Variants in UMAD1 observed in about 807,000 individuals in gnomAD.
The protein encoded by UMAD1 is UBAP1-MVB12-associated (UMA) domain containing 1, also known as UBAP1-MVB12-associated (UMA)-domain containing protein 1.
UMAD1 carries 8 observed loss-of-function variants against 6.1 expected under a neutral mutation model. The ratio of observed to expected loss-of-function variants is 1.30; its 90% CI spans 0.76 to 2.35. UMAD1 has a LOEUF of 2.35. UMAD1 is among the 30% of genes most tolerant of loss of function. UMAD1 has a pLI of 0.00. For missense variants in UMAD1, 130 were observed against 78.4 expected (o/e 1.66, Z -2.49); for synonymous variants, 56 against 31.4 (o/e 1.78, Z -2.61).
intron 2 of UMAD1, among the ~76,000 whole-genome samples, chr7:7,744,431 A>T (rs925788103): frequency 3.9e-5 from 6 of 152,246 alleles, no homozygotes; most frequent in Non-Finnish European, 7.4e-5. Flanking sequence ...CATTGAGTGT[A>T]TACCTAGGAG....
chr7:7,717,184 G>A (rs146284153), intron 2 of UMAD1, among the ~76,000 whole-genome samples: 1,775 of 151,638 alleles, frequency 0.012, 32 homozygotes, highest in African/African-American at 0.041. Flanking sequence ...TGCCTCCCGC[G>A]TAGCTGGGAC....
intron 2 of UMAD1, among the ~76,000 whole-genome samples, chr7:7,745,923 G>C (rs1467809315): frequency 6.6e-6 from 1 of 151,916 alleles, no homozygotes; most frequent in Non-Finnish European, 1.5e-5. Context: ...GTCTGGGACC[G>C]AGACTTACCT....
Position 7,700,573 on chromosome 7 carries a change from C to CAACA in UMAD1, c.82+27139_82+27142dup, listed in dbSNP as rs529757342. ...GACCCCCATCTCTACAAAATAAAAACAACAAACAAACAAACAAACAAAAAC... is the reference window on the plus strand; with the variant it reads ...GACCCCCATCTCTACAAAATAAAAACAACAAACAAACAAACAAACAAACAAAAAC... On this transcript the variant is annotated intron_variant, in intron 2 of 3. Transcript: ENST00000682710. Among the ~76,000 whole-genome samples, 6 of 151,892 alleles carry CAACA rather than the reference C, an allele frequency of 4.0e-5. No homozygotes were observed. The East Asian group carries it at 5.8e-4, about 15-fold the overall frequency.
intron 2 of UMAD1, among the ~76,000 whole-genome samples, chr7:7,721,851 T>C (rs539550444): frequency 5.3e-5 from 8 of 152,032 alleles, no homozygotes; most frequent in Non-Finnish European, 1.2e-4. Context: ...TCAAAGGAGA[T>C]TAATATTTGA....
rs77508620 is a variant in UMAD1 at position 7,828,532 on chromosome 7, C to T, written c.156+26789C>T. 6.3e-3 allele frequency among the ~76,000 whole-genome samples: 959 copies of T among 152,266 alleles called. 16 individuals carry two copies. The highest frequency in any genetic ancestry group is 0.022 in the African/African-American group (910 of 41,556). On this transcript the variant is annotated intron_variant, in intron 3 of 3. Coordinates refer to ENST00000682710, the MANE Select transcript of UMAD1 (RefSeq NM_001302348.2). ...AGAGCCCCTGGTCCCGAGCTTCTTGCGGCTATATCAACCCATAGGGACCCC... is the reference window on the plus strand; with the variant it reads ...AGAGCCCCTGGTCCCGAGCTTCTTGTGGCTATATCAACCCATAGGGACCCC...
chr7:7,660,614 A>G (rs886763909), intron 1 of UMAD1, among the ~76,000 whole-genome samples: 1 of 152,212 alleles, frequency 6.6e-6, no homozygotes, highest in Non-Finnish European at 1.5e-5. Flanking sequence ...TTCTTTAAGA[A>G]TGTTGACTAT....
At chr7:7,729,458 G>A (rs1312827854) in intron 2 of UMAD1, among the ~76,000 whole-genome samples, 1 of 152,088 alleles carries the variant, frequency 6.6e-6, no homozygotes, top group Admixed American at 6.6e-5. Context: ...TGTCACACAC[G>A]TGGTACTTGG....
chr7:7,728,225 C>T (rs1007795951), intron 2 of UMAD1, among the ~76,000 whole-genome samples: 1 of 151,516 alleles, frequency 6.6e-6, no homozygotes, highest in African/African-American at 2.4e-5. Flanking sequence ...GTCAACTTGA[C>T]ATAAAGATCT....
intron 2 of UMAD1, among the ~76,000 whole-genome samples, chr7:7,763,425 C>A (rs1781929216): frequency 6.6e-6 from 1 of 152,130 alleles, no homozygotes; most frequent in South Asian, 2.1e-4. Context: ...CCTCCTCCAC[C>A]CCCAGTAGAC....
intron 3 of UMAD1, among the ~76,000 whole-genome samples, chr7:7,808,920 G>A (rs926993243): frequency 4.6e-5 from 7 of 151,854 alleles, no homozygotes; most frequent in African/African-American, 1.7e-4. Flanking sequence ...TCAGCTGGTG[G>A]TATTGAGATA....
chr7:7,682,068 T>C (rs564897907), intron 2 of UMAD1, among the ~76,000 whole-genome samples: 3 of 152,134 alleles, frequency 2.0e-5, no homozygotes, highest in Non-Finnish European at 4.4e-5. Flanking sequence ...CAGAATGAAA[T>C]TGGGCAAACA....
At chr7:7,705,255 G>A (rs1287613761) in intron 2 of UMAD1, among the ~76,000 whole-genome samples, 1 of 152,168 alleles carries the variant, frequency 6.6e-6, no homozygotes, top group Non-Finnish European at 1.5e-5. Context: ...TTGATGCACT[G>A]TGATTTAGTT....
intron 2 of UMAD1, among the ~76,000 whole-genome samples, chr7:7,676,691 T>A (rs1779749405): frequency 6.6e-6 from 1 of 152,166 alleles, no homozygotes; most frequent in Admixed American, 6.5e-5. Flanking sequence ...TATTTAATAG[T>A]TTAAATGTTT....
chr7:7,664,290 A>C (rs576788672), intron 1 of UMAD1, among the ~76,000 whole-genome samples: 1 of 152,208 alleles, frequency 6.6e-6, no homozygotes, highest in South Asian at 2.1e-4. Context: ...CACCCATCTT[A>C]ATCCAGTCCC....
intron 2 of UMAD1, chr7:7,735,942 G>T (rs1781351540): frequency 6.6e-6 from 1 of 152,310 alleles, no homozygotes; most frequent in African/African-American, 2.4e-5. Flanking sequence ...GTTTGTCCAT[G>T]ATTAGAGAAT....
intron 2 of UMAD1, among the ~76,000 whole-genome samples, chr7:7,723,619 C>G (rs1389916195): frequency 6.6e-6 from 1 of 152,184 alleles, no homozygotes. Flanking sequence ...GAGGGCAGCA[C>G]CTGTATCTTT....
At chr7:7,686,888 C>G (rs1257184884) in intron 2 of UMAD1, among the ~76,000 whole-genome samples, 1 of 152,224 alleles carries the variant, frequency 6.6e-6, no homozygotes, top group Admixed American at 6.5e-5. Flanking sequence ...CCTTACTCCT[C>G]TCCCCTGCCC....
At chr7:7,716,965 C>T (rs765299240) in intron 2 of UMAD1, among the ~76,000 whole-genome samples, 38 of 152,276 alleles carry the variant, frequency 2.5e-4, no homozygotes, top group Non-Finnish European at 4.6e-4. Flanking sequence ...AAACCAACCT[C>T]TTCTTGCCCT....
chr7:7,813,863 A>C (rs1783072649), intron 3 of UMAD1, among the ~76,000 whole-genome samples: 1 of 152,234 alleles, frequency 6.6e-6, no homozygotes, highest in Non-Finnish European at 1.5e-5. Flanking sequence ...TAACTTGGTG[A>C]GAAACTGCTG....
Sources: gnomAD v4.1 joint callset for allele counts (sites outside exome capture counted in the v4.1 genomes callset) on GRCh38, gnomAD v4.1.1 for gene constraint, MANE v1.5 for transcripts, NCBI Gene and HGNC (gene_info 2026-07-23, HGNC 2026-07-21) for gene names.